The following DPYD variants were observed in gnomAD, a reference collection of about 807,000 sequenced individuals.
The protein encoded by DPYD is dihydropyrimidine dehydrogenase.
Under a neutral mutation model 116.2 loss-of-function variants are expected in DPYD, and 109 were observed. That is an observed-to-expected ratio of 0.94 (90% CI 0.80 to 1.10). The LOEUF (loss-of-function observed/expected upper bound fraction) is 1.10. DPYD is among the 50% of genes least tolerant of loss of function. The probability of loss-of-function intolerance (pLI) is 0.00; values close to 1 mark genes in which losing one functional copy is unlikely to be tolerated. For synonymous variants in DPYD, 440 were observed against 432.0 expected (o/e 1.02, Z -0.23); for missense variants, 1,302 against 1,254.5 (o/e 1.04, Z -0.57).
chr1:97,669,066 C>T (rs972769878), intron 8 of DPYD, among the ~76,000 whole-genome samples: 6 of 150,730 alleles, frequency 4.0e-5, no homozygotes, highest in Admixed American at 3.3e-4. Flanking sequence ...CATCTGTTAA[C>T]TTTCTGCCAT....
At chr1:97,678,805 T>C (rs1660284567) in intron 8 of DPYD, among the ~76,000 whole-genome samples, 4 of 152,152 alleles carry the variant, frequency 2.6e-5, no homozygotes. Flanking sequence ...GAGTTTCTGG[T>C]GGTATGACTT....
chr1:97,886,512 G>A (rs1232443053), intron 1 of DPYD, among the ~76,000 whole-genome samples: 3 of 152,068 alleles, frequency 2.0e-5, no homozygotes, highest in Non-Finnish European at 2.9e-5. Flanking sequence ...ACACAAGGAA[G>A]AGCAAGCTGA....
chr1:97,886,090 G>A (rs1005370494), intron 1 of DPYD, among the ~76,000 whole-genome samples: 2 of 152,074 alleles, frequency 1.3e-5, no homozygotes, highest in Admixed American at 6.5e-5. Flanking sequence ...AACAGCAAAT[G>A]AAGAAACAAT....
intron 16 of DPYD, among the ~76,000 whole-genome samples, chr1:97,307,528 A>G (rs972711038): frequency 1.3e-5 from 2 of 151,874 alleles, no homozygotes; most frequent in Admixed American, 1.3e-4. Context: ...TTTTTGTGCT[A>G]AGATACTGCA....
intron 8 of DPYD, among the ~76,000 whole-genome samples, chr1:97,609,098 T>C (rs2100743111): frequency 6.6e-6 from 1 of 152,070 alleles, no homozygotes; most frequent in Middle Eastern, 3.4e-3. Flanking sequence ...AACTGAGCAG[T>C]CTGCTTTGAT....
intron 14 of DPYD, among the ~76,000 whole-genome samples, chr1:97,421,859 G>A (rs1231023009): frequency 6.6e-6 from 1 of 152,128 alleles, no homozygotes; most frequent in East Asian, 1.9e-4. Flanking sequence ...TCCAAAAACT[G>A]ATATGGGGGG....
At position 97,515,905 on chromosome 1, in the gene DPYD, G is replaced by C; in HGVS notation, c.1561C>G (p.Leu521Val). ...YGASVSAKPE[L>V]PLFYTPIDLV... ...TCAATAGGAGTGTAAAAGAGGGGTA[G>C]TTCAGGCTTGGCAGAAACGGAAGCT... Residue 521 changes from leucine (L) to valine (V), a missense_variant, in exon 13 of 23, where the codon CTA becomes GTA. Transcript: ENST00000370192. 6.2e-7 allele frequency: 1 copy of C among 1,612,766 alleles called. No individual in the cohort carries two copies. The highest frequency in any genetic ancestry group is 8.5e-7 in the Non-Finnish European group (1 of 1,179,144).
At chr1:97,665,990 T>C (rs932593132) in intron 8 of DPYD, among the ~76,000 whole-genome samples, 28 of 152,196 alleles carry the variant, frequency 1.8e-4, no homozygotes, top group Admixed American at 6.5e-5. Context: ...TTTATAGAAG[T>C]CCTAGCCTAG....
chr1:97,498,195 G>A (rs1463248242), intron 13 of DPYD, among the ~76,000 whole-genome samples: 1 of 151,654 alleles, frequency 6.6e-6, no homozygotes, highest in Non-Finnish European at 1.5e-5. Flanking sequence ...TAATGGGTAT[G>A]GAGTTTCTTT....
chr1:97,306,080 AT>A, intron 17 of DPYD, 96 bp downstream of exon 17: 1 of 1,587,600 alleles, frequency 6.3e-7, no homozygotes, highest in Non-Finnish European at 8.6e-7. Context: ...GACAAAAAAT[AT>A]GCACATGTTT....
chr1:97,525,845 A>AAT (rs1386423024), intron 12 of DPYD, among the ~76,000 whole-genome samples: 1 of 147,678 alleles, frequency 6.8e-6, no homozygotes, highest in Non-Finnish European at 1.5e-5. Context: ...AAGAGTAAGT[A>AAT]ATTGCCCTGG....
At chr1:97,182,313 T>A (rs11165803) in intron 20 of DPYD, among the ~76,000 whole-genome samples, 20,238 of 152,200 alleles carry the variant, frequency 0.13, 1,640 homozygotes, top group East Asian at 0.28. Context: ...CATCTGACGA[T>A]ATTCAGATGT....
rs76807076 is a variant in DPYD at position 97,278,377 on chromosome 1, C to T, written c.2299+26882G>A. Among the ~76,000 whole-genome samples the T allele has an allele frequency of 8.0e-3, 1,220 of 152,284 alleles. 16 individuals are homozygous for T. Among genetic ancestry groups the T allele is most frequent in the African/African-American group, 0.028 (1,169 of 41,552 alleles). On this transcript the variant is annotated intron_variant, in intron 18 of 22. Transcript: ENST00000370192. ...TTTACTTTCTGACTGCCCCTTATCA[C>T]ATTACAGTTCAGGGCAGAACAACCA...
intron 7 of DPYD, among the ~76,000 whole-genome samples, chr1:97,683,380 A>C (rs1660531930): frequency 6.6e-6 from 1 of 151,792 alleles, no homozygotes; most frequent in South Asian, 2.1e-4. Context: ...ATGTTATAAG[A>C]GGTTATTAAG....
intron 11 of DPYD, 151 bp from the exon 12 acceptor site, chr1:97,549,895 G>A (rs553852426): frequency 3.2e-5 from 24 of 760,774 alleles, no homozygotes; most frequent in South Asian, 1.5e-4. Flanking sequence ...AAAAGCTAAC[G>A]AAATATTGGA....
At chr1:97,568,997 AG>A (rs1652717601) in intron 11 of DPYD, among the ~76,000 whole-genome samples, 1 of 152,134 alleles carries the variant, frequency 6.6e-6, no homozygotes, top group Non-Finnish European at 1.5e-5. Flanking sequence ...GTTGTGGTAC[AG>A]GGTATGGAGG....
intron 16 of DPYD, among the ~76,000 whole-genome samples, chr1:97,327,073 T>G (rs1668748291): frequency 1.3e-5 from 2 of 152,084 alleles, no homozygotes; most frequent in South Asian, 4.1e-4. Context: ...AAAAATGAAC[T>G]TTGCTTATTA....
intron 2 of DPYD, among the ~76,000 whole-genome samples, chr1:97,847,899 C>T (rs1371338108): frequency 6.6e-6 from 1 of 152,078 alleles, no homozygotes; most frequent in African/African-American, 2.4e-5. Context: ...AGCTATATCT[C>T]TATATCAAAT....
intron 18 of DPYD, among the ~76,000 whole-genome samples, chr1:97,245,283 C>A (rs1315894723): frequency 1.3e-5 from 2 of 152,032 alleles, no homozygotes; most frequent in Admixed American, 6.6e-5. Flanking sequence ...AATTAGTCTG[C>A]AATATCACCA....
Sources: gnomAD v4.1 joint callset for allele counts (sites outside exome capture counted in the v4.1 genomes callset) on GRCh38, gnomAD v4.1.1 for gene constraint, MANE v1.5 for transcripts, NCBI Gene and HGNC (gene_info 2026-07-23, HGNC 2026-07-21) for gene names.